The following GABRG1 variants were observed in gnomAD, a reference collection of about 807,000 sequenced individuals.
The protein encoded by GABRG1 is gamma-aminobutyric acid receptor subunit gamma-1.
Under a neutral mutation model 49.8 loss-of-function variants are expected in GABRG1, and 49 were observed. The observed-to-expected ratio is 0.98, with a 90% confidence interval of 0.78 to 1.25. The LOEUF is 1.25. Ranked by LOEUF, GABRG1 falls within the 50% of genes most tolerant of loss-of-function variation. GABRG1 has a pLI of 0.00. For missense variants in GABRG1, 552 were observed against 552.3 expected (o/e 1.00, Z 0.01); for synonymous variants, 232 against 185.1 (o/e 1.25, Z -2.06).
intron 8 of GABRG1, among the ~76,000 whole-genome samples, chr4:46,049,747 A>G (rs1404938901): frequency 6.6e-6 from 1 of 151,994 alleles, no homozygotes; most frequent in Non-Finnish European, 1.5e-5. Context: ...AGTCTACACT[A>G]GAGTAATCCA....
intron 1 of GABRG1, among the ~76,000 whole-genome samples, chr4:46,119,664 T>C (rs529993883): frequency 4.0e-5 from 6 of 151,558 alleles, no homozygotes; most frequent in Non-Finnish European, 8.9e-5. Context: ...TTCTTCTTCC[T>C]TGATTATGAT....
intron 1 of GABRG1, among the ~76,000 whole-genome samples, chr4:46,119,920 A>G (rs1351402459): frequency 6.6e-6 from 1 of 151,752 alleles, no homozygotes; most frequent in African/African-American, 2.4e-5. Flanking sequence ...GCGAGGCTAT[A>G]TCATAATAGA....
At chr4:46,070,835 C>T (rs1560358359) in intron 3 of GABRG1, among the ~76,000 whole-genome samples, 1 of 152,138 alleles carries the variant, frequency 6.6e-6, no homozygotes, top group Non-Finnish European at 1.5e-5. Context: ...CTTTAAAGTG[C>T]TCATCTGACT....
chr4:46,092,526 A>G (rs189231525), intron 2 of GABRG1, among the ~76,000 whole-genome samples: 2 of 152,188 alleles, frequency 1.3e-5, no homozygotes, highest in Admixed American at 1.3e-4. Flanking sequence ...AGAGAAAAAT[A>G]TAAGCAATAG....
chr4:46,117,968 A>G (rs1457953458), intron 1 of GABRG1, among the ~76,000 whole-genome samples: 4 of 69,626 alleles, frequency 5.7e-5, no homozygotes, highest in Non-Finnish European at 4.9e-5. Context: ...ATACATATAT[A>G]CATATGTATA....
At chr4:46,079,407 A>G (rs895355646) in intron 3 of GABRG1, among the ~76,000 whole-genome samples, 1 of 151,962 alleles carries the variant, frequency 6.6e-6, no homozygotes, top group Admixed American at 6.6e-5. Context: ...AATTTCCAGC[A>G]GGAAGATTCT....
chr4:46,121,812 C>A (rs1560378805), intron 1 of GABRG1, among the ~76,000 whole-genome samples: 1 of 151,938 alleles, frequency 6.6e-6, no homozygotes, highest in African/African-American at 2.4e-5. Context: ...ATTCACTGGA[C>A]AAAATAATCC....
In GABRG1 at chr4:46,056,146, T is replaced by TAAAA. The variant is rs1289028817; in HGVS notation, c.916+2070_916+2071insTTTT. Among the ~76,000 whole-genome samples, 3 of 5,684 alleles carry TAAAA rather than the reference T, an allele frequency of 5.3e-4. 1 individual carries two copies. The highest frequency in any genetic ancestry group is 1.2e-3 in the African/African-American group (1 of 840). The allele number at this position is 5,684 out of a possible 152,430, so 3.7% of individuals were successfully genotyped here. ...AAGGAAAAAAAAAAAAATAAATAAATAAATTAAAAAAAAAAAAAAAAAAAA... is the reference window on the plus strand; with the variant it reads ...AAGGAAAAAAAAAAAAATAAATAAATAAAAAAATTAAAAAAAAAAAAAAAAAAAA... On this transcript the variant is annotated intron_variant, in intron 7 of 8. Coordinates refer to ENST00000295452, the MANE Select transcript of GABRG1 (RefSeq NM_173536.4).
chr4:46,041,495 A>G (rs1214967684), intron 8 of GABRG1, among the ~76,000 whole-genome samples: 1 of 151,976 alleles, frequency 6.6e-6, no homozygotes, highest in East Asian at 1.9e-4. Flanking sequence ...ATTTTTATAC[A>G]TTTAGAAAGT....
chr4:46,045,207 G>A (rs1414207005), intron 8 of GABRG1, among the ~76,000 whole-genome samples: 1 of 151,886 alleles, frequency 6.6e-6, no homozygotes, highest in Non-Finnish European at 1.5e-5. Context: ...AAATACTTGA[G>A]GAAGTAATAC....
rs554460903 is a variant in GABRG1, at chr4:46,073,970, T to C, written c.322-8386A>G. ...AACCACAGATAAGGAGGGACTATTGTATAAACACACTCAAACTATACTTCC... is the reference window on the plus strand; with the variant it reads ...AACCACAGATAAGGAGGGACTATTGCATAAACACACTCAAACTATACTTCC... On this transcript the variant is annotated intron_variant, in intron 3 of 8. Transcript: ENST00000295452. Among the ~76,000 whole-genome samples the C allele has an allele frequency of 5.3e-5, 8 of 152,246 alleles. 1 individual carries two copies. Among genetic ancestry groups the C allele is most frequent in the African/African-American group, 1.7e-4 (7 of 41,570 alleles).
At chr4:46,065,317 T>C (rs747168591) in intron 4 of GABRG1, 47 bp downstream of exon 4, 1 of 1,264,848 alleles carries the variant, frequency 7.9e-7, no homozygotes, top group Admixed American at 2.1e-5. Context: ...TAAATATTAG[T>C]ATGGAAAATA....
intron 3 of GABRG1, among the ~76,000 whole-genome samples, chr4:46,079,568 T>C (rs146193736): frequency 7.6e-4 from 115 of 152,070 alleles, no homozygotes; most frequent in African/African-American, 2.6e-3. Flanking sequence ...TCTATATTAG[T>C]CATCTCTTAA....
At chr4:46,114,088 C>T (rs1479947189) in intron 1 of GABRG1, among the ~76,000 whole-genome samples, 6 of 151,038 alleles carry the variant, frequency 4.0e-5, no homozygotes, top group Non-Finnish European at 8.9e-5. Flanking sequence ...GTTTGAGCTA[C>T]TAAACCCTTT....
At chr4:46,123,066 T>TC (rs1235222436) in intron 1 of GABRG1, among the ~76,000 whole-genome samples, 4 of 142,192 alleles carry the variant, frequency 2.8e-5, no homozygotes, top group Admixed American at 6.9e-5. Context: ...CGGTGACACT[T>TC]TTCTCTCTCT....
chr4:46,089,240 C>A (rs11736752), intron 2 of GABRG1, among the ~76,000 whole-genome samples: 94,272 of 151,650 alleles, frequency 0.62, 31,003 homozygotes, highest in African/African-American at 0.84. Context: ...GAGCCATATA[C>A]AATGCCTATG....
chr4:46,116,997 G>A (rs1055682927), intron 1 of GABRG1, among the ~76,000 whole-genome samples: 3 of 150,310 alleles, frequency 2.0e-5, no homozygotes, highest in Non-Finnish European at 4.5e-5. Flanking sequence ...ATCAAGAGGT[G>A]AATGATATCC....
intron 7 of GABRG1, among the ~76,000 whole-genome samples, chr4:46,056,164 A>T (rs1490188218): frequency 5.1e-4 from 17 of 33,330 alleles, no homozygotes; most frequent in African/African-American, 4.1e-3. Flanking sequence ...AAAAAAAAAA[A>T]AAAAAAAAAA....
intron 8 of GABRG1, among the ~76,000 whole-genome samples, chr4:46,047,370 T>C (rs891950655): frequency 1.3e-5 from 2 of 152,082 alleles, no homozygotes; most frequent in East Asian, 1.9e-4. Flanking sequence ...CTTCAAAAAA[T>C]TACTTCAGTG....
Sources: gnomAD v4.1 joint callset for allele counts (sites outside exome capture counted in the v4.1 genomes callset) on GRCh38, gnomAD v4.1.1 for gene constraint, MANE v1.5 for transcripts, NCBI Gene and HGNC (gene_info 2026-07-23, HGNC 2026-07-21) for gene names.